The following XDH variants were observed in gnomAD, a reference collection of about 807,000 sequenced individuals.
XDH encodes the protein xanthine dehydrogenase, also known as xanthine dehydrogenase/oxidase.
A neutral mutation model predicts 156.1 loss-of-function variants in XDH; 138 were observed. That is an observed-to-expected ratio of 0.88 (90% CI 0.77 to 1.02). The LOEUF (loss-of-function observed/expected upper bound fraction) is 1.02. Ranked by LOEUF, XDH falls within the 50% of genes least tolerant of loss-of-function variation. XDH has a pLI of 0.00. For missense variants in XDH, 1,849 were observed against 1,684.9 expected (o/e 1.10, Z -1.71); for synonymous variants, 669 against 625.7 (o/e 1.07, Z -1.03).
At position 31,348,317 on chromosome 2, in the gene XDH, G is replaced by T. The variant is rs757665079; in HGVS notation, c.3098C>A (p.Thr1033Asn). Residue 1033 changes from threonine (T) to asparagine (N), a missense_variant, in exon 28 of 36, where the codon ACC becomes AAC. By Grantham distance (65) the Thr-to-Asn change is moderately conservative. Transcript: ENST00000379416. ...TTGGCCCATCTCAGTCCCCCCGTGG[G>T]TCAGCAGCACAGAGCCATCTGTGTA... Reference protein sequence around the residue: ...HVYTDGSVLLTHGGTEMGQGL... With the variant: ...HVYTDGSVLLNHGGTEMGQGL... 6.2e-7 allele frequency: 1 copy of T among 1,614,190 alleles called. No individual in the cohort carries two copies. Among genetic ancestry groups the T allele is most frequent in the Non-Finnish European group, 8.5e-7 (1 of 1,180,040 alleles).
At chr2:31,371,758 C>T (rs1044226845) in intron 17 of XDH, among the ~76,000 whole-genome samples, 14 of 152,092 alleles carry the variant, frequency 9.2e-5, no homozygotes, top group African/African-American at 3.4e-4. Flanking sequence ...GGAGGGATCC[C>T]GTCTCCAAAC....
chr2:31,348,243 A>T (rs748455861), intron 28 of XDH, 25 bp downstream of exon 28: 1 of 1,611,154 alleles, frequency 6.2e-7, no homozygotes, highest in Admixed American at 1.7e-5. Flanking sequence ...CAACGGACAC[A>T]ACACTGCCAG....
chr2:31,385,379 T>C (rs1353056161), intron 9 of XDH, among the ~76,000 whole-genome samples: 1 of 152,230 alleles, frequency 6.6e-6, no homozygotes, highest in East Asian at 1.9e-4. Context: ...CTCTATCTTA[T>C]GTATATGTGC....
At chr2:31,390,768 G>A (rs527749280) in intron 6 of XDH, among the ~76,000 whole-genome samples, 5 of 152,240 alleles carry the variant, frequency 3.3e-5, no homozygotes, top group East Asian at 1.9e-4. Context: ...ATATGATGTC[G>A]AACTTATATG....
chr2:31,386,332 G>C, intron 9 of XDH, 82 bp downstream of exon 9: 1 of 1,581,038 alleles, frequency 6.3e-7, no homozygotes. Flanking sequence ...AGTAAAGTCA[G>C]GGGGAGGTGA....
At chr2:31,401,598 C>T (rs1374826097) in intron 3 of XDH, among the ~76,000 whole-genome samples, 3 of 152,188 alleles carry the variant, frequency 2.0e-5, no homozygotes, top group Non-Finnish European at 4.4e-5. Flanking sequence ...GCAGGAGCAA[C>T]GGAGCCAGGG....
At chr2:31,354,897 A>G (rs150154426) in intron 24 of XDH, among the ~76,000 whole-genome samples, 35 of 152,340 alleles carry the variant, frequency 2.3e-4, no homozygotes, top group African/African-American at 7.9e-4. Flanking sequence ...AAAGTTCCCA[A>G]GGTTTCAAGA....
intron 6 of XDH, among the ~76,000 whole-genome samples, chr2:31,389,284 C>G (rs143144208): frequency 3.3e-4 from 50 of 152,254 alleles, no homozygotes; most frequent in African/African-American, 1.2e-3. Flanking sequence ...GAGGTGTGAC[C>G]TTGGAGAAGT....
intron 1 of XDH, among the ~76,000 whole-genome samples, 161 bp from the exon 2 acceptor site, chr2:31,406,125 C>G (rs1379496907): frequency 3.9e-5 from 6 of 152,152 alleles, no homozygotes; most frequent in Non-Finnish European, 7.3e-5. Context: ...TAATTGTAAT[C>G]CCCAGTGTTG....
intron 9 of XDH, among the ~76,000 whole-genome samples, chr2:31,384,946 T>G (rs1386164408): frequency 6.6e-6 from 1 of 151,782 alleles, no homozygotes; most frequent in African/African-American, 2.4e-5. Flanking sequence ...GAGAAGGGAG[T>G]GGCGCAGAAG....
At chr2:31,344,621 G>A in intron 31 of XDH, 63 bp downstream of exon 31, 2 of 1,589,682 alleles carry the variant, frequency 1.3e-6, no homozygotes, top group South Asian at 2.2e-5. Flanking sequence ...CGGTGCTGGA[G>A]TGGACCAGTG....
chr2:31,410,581 G>A (rs578261843), intron 1 of XDH, among the ~76,000 whole-genome samples: 20 of 152,134 alleles, frequency 1.3e-4, no homozygotes, highest in African/African-American at 3.9e-4. Flanking sequence ...ACCAAAGTTC[G>A]CATCACAAAA....
At chr2:31,391,006 C>A (rs989227408) in intron 6 of XDH, among the ~76,000 whole-genome samples, 9 of 152,144 alleles carry the variant, frequency 5.9e-5, no homozygotes, top group Non-Finnish European at 1.0e-4. Context: ...ATAATTATTT[C>A]TTTTATGGAT....
chr2:31,396,099 C>T (rs76137637), intron 6 of XDH, among the ~76,000 whole-genome samples: 1,635 of 152,270 alleles, frequency 0.011, 36 homozygotes, highest in African/African-American at 0.038. Flanking sequence ...AGAAACATCT[C>T]GGAGACCTCC....
At chr2:31,371,767 A>C (rs1227318170) in intron 17 of XDH, among the ~76,000 whole-genome samples, 1 of 152,156 alleles carries the variant, frequency 6.6e-6, no homozygotes, top group Non-Finnish European at 1.5e-5. Flanking sequence ...CCGTCTCCAA[A>C]CTAGGAGCAG....
intron 30 of XDH, among the ~76,000 whole-genome samples, chr2:31,345,818 G>A (rs767432185): frequency 3.3e-5 from 5 of 152,178 alleles, no homozygotes; most frequent in Non-Finnish European, 1.5e-5. Context: ...ATGGCTGGTG[G>A]TTGAAGACAA....
chr2:31,385,686 C>T (rs746810739), intron 9 of XDH, among the ~76,000 whole-genome samples: 2 of 152,238 alleles, frequency 1.3e-5, no homozygotes, highest in Non-Finnish European at 2.9e-5. Context: ...CCATCTCTTA[C>T]AGCACTGGGG....
Position 31,339,571 on chromosome 2 carries a change from G to A in XDH, c.3692C>T (p.Pro1231Leu), listed in dbSNP as rs746081258. 100 of 1,614,082 alleles carry A rather than the reference G, an allele frequency of 6.2e-5. No homozygotes were observed. The highest frequency in any genetic ancestry group is 1.6e-4 in the Middle Eastern group (1 of 6,084). Residue 1231 changes from proline (P) to leucine (L), a missense_variant, in exon 34 of 36, where the codon CCG becomes CTG. Pro to Leu is a moderately conservative substitution (Grantham distance 98). Transcript: ENST00000379416. Reference protein sequence around the residue: ...HTRGPSTYKIPAFGSIPIEFR... With the variant: ...HTRGPSTYKILAFGSIPIEFR... ...CTCAATGGGGATGCTGCCAAATGCC[G>A]GGATCTTGTAGGTGCTAGGGCCACG...
Position 31,397,730 on chromosome 2 carries a change from CTG to C in XDH, c.434-3_434-2del. On this transcript the variant is annotated splice_acceptor_variant and splice_polypyrimidine_tract_variant and intron_variant, in intron 5 of 35. Transcript: ENST00000379416. LOFTEE classifies it high-confidence loss of function. The stretch of plus-strand genomic sequence containing the variant: ...TAGCCTGTGCAGCGGCACAGATTTC[CTG>C]TGGGCCAAGGAAAAAACTGCAATGT... The C allele has an allele frequency of 6.2e-7, 1 of 1,614,198 alleles. No individual in the cohort carries two copies. The highest frequency in any genetic ancestry group is 1.1e-5 in the South Asian group (1 of 91,074).
Sources: allele counts gnomAD v4.1 joint callset (sites outside exome capture counted in the v4.1 genomes callset), GRCh38; gene constraint gnomAD v4.1.1; transcripts MANE v1.5; gene names NCBI Gene and HGNC (gene_info 2026-07-23, HGNC 2026-07-21).